ATXN1: variants seen among roughly 807,000 people sequenced by gnomAD.
The protein encoded by ATXN1 is ataxin-1.
Under a neutral mutation model 56.4 loss-of-function variants are expected in ATXN1, and 8 were observed. The ratio of observed to expected loss-of-function variants is 0.14; its 90% CI spans 0.08 to 0.26. ATXN1 has a LOEUF of 0.26. ATXN1 is among the 10% of genes least tolerant of loss of function. ATXN1 has a pLI of 1.00. For missense variants in ATXN1, 987 were observed against 1,106.5 expected (o/e 0.89, Z 1.53); for synonymous variants, 514 against 494.6 (o/e 1.04, Z -0.52).
chr6:16,590,475 T>C (rs187140981), intron 3 of ATXN1, among the ~76,000 whole-genome samples: 6 of 152,320 alleles, frequency 3.9e-5, no homozygotes, highest in Non-Finnish European at 7.3e-5. Flanking sequence ...AAATAATGCA[T>C]ATTAGAGTTT....
intron 2 of ATXN1, among the ~76,000 whole-genome samples, chr6:16,730,158 C>A (rs886710156): frequency 1.3e-5 from 2 of 152,134 alleles, no homozygotes; most frequent in Non-Finnish European, 2.9e-5. Flanking sequence ...TGGTGCACGC[C>A]TGTACAGCTA....
chr6:16,631,768 T>C (rs1763509137), intron 3 of ATXN1, among the ~76,000 whole-genome samples: 1 of 152,212 alleles, frequency 6.6e-6, no homozygotes, highest in South Asian at 2.1e-4. Flanking sequence ...CAATAAGAGT[T>C]TTGTTTCAGA....
chr6:16,645,543 A>AGG (rs1433113343), intron 3 of ATXN1, among the ~76,000 whole-genome samples: 1 of 152,142 alleles, frequency 6.6e-6, no homozygotes, highest in Admixed American at 6.6e-5. Flanking sequence ...CAATAGAGGG[A>AGG]GGGGTGGTGG....
intron 6 of ATXN1, among the ~76,000 whole-genome samples, chr6:16,443,764 G>C (rs1385448710): frequency 1.3e-5 from 2 of 152,158 alleles, no homozygotes; most frequent in African/African-American, 4.8e-5. Context: ...AATGAATGAA[G>C]TTAAGTAAAA....
intron 6 of ATXN1, among the ~76,000 whole-genome samples, chr6:16,445,426 G>A (rs1181424784): frequency 2.0e-5 from 3 of 152,060 alleles, no homozygotes; most frequent in Admixed American, 6.6e-5. Context: ...TAGAGAAAAC[G>A]ATGTTGGCTC....
At chr6:16,456,653 C>G (rs1293585331) in intron 6 of ATXN1, among the ~76,000 whole-genome samples, 1 of 152,178 alleles carries the variant, frequency 6.6e-6, no homozygotes, top group Non-Finnish European at 1.5e-5. Flanking sequence ...TCTATCCTGA[C>G]CCTTGCCTCC....
intron 3 of ATXN1, among the ~76,000 whole-genome samples, chr6:16,637,435 T>C (rs946231657): frequency 1.3e-5 from 2 of 151,938 alleles, no homozygotes; most frequent in African/African-American, 4.8e-5. Flanking sequence ...ACATGATACA[T>C]GTATACATAT....
chr6:16,408,835 G>T (rs1221857276), intron 6 of ATXN1, among the ~76,000 whole-genome samples: 1 of 152,140 alleles, frequency 6.6e-6, no homozygotes, highest in Non-Finnish European at 1.5e-5. Context: ...CAATCTCCTG[G>T]GTTCAAGCGA....
intron 7 of ATXN1, among the ~76,000 whole-genome samples, chr6:16,324,899 A>C (rs539031463): frequency 2.6e-5 from 4 of 152,158 alleles, no homozygotes; most frequent in African/African-American, 9.6e-5. Context: ...CCACGCTTTT[A>C]TTTTCTGATG....
chr6:16,746,505 T>G (rs1760541759), intron 2 of ATXN1, among the ~76,000 whole-genome samples: 1 of 152,210 alleles, frequency 6.6e-6, no homozygotes, highest in Non-Finnish European at 1.5e-5. Context: ...GCCCTTGATA[T>G]TACTGCTTAG....
intron 2 of ATXN1, among the ~76,000 whole-genome samples, chr6:16,710,922 C>T (rs1225182158): frequency 6.6e-6 from 1 of 151,224 alleles, no homozygotes; most frequent in Non-Finnish European, 1.5e-5. Flanking sequence ...CACGGTCTCA[C>T]TCTGCTGCCC....
intron 6 of ATXN1, among the ~76,000 whole-genome samples, chr6:16,475,311 T>C (rs571724231): frequency 5.3e-5 from 8 of 152,324 alleles, no homozygotes; most frequent in Admixed American, 1.3e-4. Context: ...TGACAGTTAA[T>C]GACAACTCCT....
intron 3 of ATXN1, among the ~76,000 whole-genome samples, chr6:16,624,682 T>C (rs1763377702): frequency 6.6e-6 from 1 of 152,136 alleles, no homozygotes; most frequent in Non-Finnish European, 1.5e-5. Context: ...TAACAGCACA[T>C]ACTGTGGGTG....
chr6:16,532,892 A>C (rs1761531838), intron 4 of ATXN1, among the ~76,000 whole-genome samples: 1 of 152,090 alleles, frequency 6.6e-6, no homozygotes, highest in Admixed American at 6.5e-5. Flanking sequence ...GTATATACCC[A>C]AAAAAACTGA....
At chr6:16,399,260 A>C (rs1758517973) in intron 6 of ATXN1, among the ~76,000 whole-genome samples, 1 of 152,192 alleles carries the variant, frequency 6.6e-6, no homozygotes, top group Non-Finnish European at 1.5e-5. Flanking sequence ...TTACCCTGGC[A>C]AGAGATGATG....
chr6:16,701,911 A>G (rs1759292842), intron 2 of ATXN1, among the ~76,000 whole-genome samples: 1 of 152,228 alleles, frequency 6.6e-6, no homozygotes, highest in Non-Finnish European at 1.5e-5. Flanking sequence ...CATACTGCCC[A>G]AGGTAATTTA....
At chr6:16,431,769 T>C (rs1357923535) in intron 6 of ATXN1, among the ~76,000 whole-genome samples, 1 of 152,250 alleles carries the variant, frequency 6.6e-6, no homozygotes, top group East Asian at 1.9e-4. Flanking sequence ...TCTTCGCCAC[T>C]ATGCAACTGT....
chr6:16,497,116 C>T (rs1406593816), intron 5 of ATXN1, among the ~76,000 whole-genome samples: 6 of 152,038 alleles, frequency 3.9e-5, no homozygotes, highest in Non-Finnish European at 5.9e-5. Context: ...TGGAATTCTC[C>T]CGGGAATGAC....
intron 3 of ATXN1, among the ~76,000 whole-genome samples, chr6:16,600,491 T>C (rs1273337497): frequency 6.6e-6 from 1 of 152,216 alleles, no homozygotes; most frequent in South Asian, 2.1e-4. Flanking sequence ...GTATAATAAA[T>C]GGGTAGCCTA....
Sources: gnomAD v4.1 joint callset for allele counts (sites outside exome capture counted in the v4.1 genomes callset) on GRCh38, gnomAD v4.1.1 for gene constraint, MANE v1.5 for transcripts, NCBI Gene and HGNC (gene_info 2026-07-23, HGNC 2026-07-21) for gene names.